TRHDE: variants seen among roughly 807,000 people sequenced by gnomAD.
TRHDE encodes thyrotropin releasing hormone degrading enzyme, also known as thyrotropin-releasing hormone-degrading ectoenzyme.
In TRHDE, 72 loss-of-function variants were observed where a neutral mutation model predicts 125.7. The ratio of observed to expected loss-of-function variants is 0.57; its 90% CI spans 0.47 to 0.70. The LOEUF (loss-of-function observed/expected upper bound fraction) is 0.70, where lower values mean the gene tolerates loss of function less well. Among genes scored for constraint, TRHDE ranks in the 30% least tolerant of loss-of-function variants. The probability of loss-of-function intolerance (pLI) is 0.00; values close to 1 mark genes in which losing one functional copy is unlikely to be tolerated. For synonymous variants in TRHDE, 509 were observed against 509.1 expected, an observed-to-expected ratio of 1.00 and a Z score of 0.00; for missense variants, 1,110 against 1,327.1, an observed-to-expected ratio of 0.84 and a Z score of 2.54.
intron 2 of TRHDE, among the ~76,000 whole-genome samples, chr12:72,130,443 A>G (rs1402585107): frequency 2.6e-5 from 4 of 152,342 alleles, no homozygotes; most frequent in African/African-American, 9.6e-5. Flanking sequence ...TATTGGGCCC[A>G]GCAAATAGGC....
chr12:72,432,896 C>A lies in TRHDE; in HGVS notation c.1316-36862C>A, dbSNP rs142543983. 2.5e-4 allele frequency among the ~76,000 whole-genome samples: 38 copies of A among 152,214 alleles called. No individual in the cohort carries two copies. The East Asian group carries it at 6.6e-3, about 26-fold the overall frequency. On this transcript the variant is annotated intron_variant, in intron 3 of 18. Coordinates refer to ENST00000261180, the MANE Select transcript of TRHDE (RefSeq NM_013381.3). ...GAAAAATCCTTATCTTGTTCTTGATCTTAGGGGAAAGCATTTCGTCTCTTA... is the reference window on the plus strand; with the variant it reads ...GAAAAATCCTTATCTTGTTCTTGATATTAGGGGAAAGCATTTCGTCTCTTA...
intron 18 of TRHDE, among the ~76,000 whole-genome samples, chr12:72,659,521 A>G (rs1160470441): frequency 1.3e-5 from 2 of 152,194 alleles, no homozygotes; most frequent in Non-Finnish European, 2.9e-5. Flanking sequence ...GTAATAGGGC[A>G]ATAGTTAATT....
At chr12:72,499,268 A>G (rs1878046600) in intron 5 of TRHDE, among the ~76,000 whole-genome samples, 1 of 152,112 alleles carries the variant, frequency 6.6e-6, no homozygotes, top group Non-Finnish European at 1.5e-5. Flanking sequence ...TTATCTATTT[A>G]GGGACCAATG....
chr12:72,599,054 G>A (rs1482673084), intron 12 of TRHDE, among the ~76,000 whole-genome samples: 1 of 151,992 alleles, frequency 6.6e-6, no homozygotes, highest in Non-Finnish European at 1.5e-5. Flanking sequence ...TGCTGGAAAG[G>A]ACATGACTTT....
At chr12:72,312,280 C>T (rs1362058914) in intron 2 of TRHDE, among the ~76,000 whole-genome samples, 1 of 152,120 alleles carries the variant, frequency 6.6e-6, no homozygotes, top group Non-Finnish European at 1.5e-5. Context: ...ATTTATCTAC[C>T]AGCTAAATGT....
At chr12:72,463,588 T>C (rs1051675790) in intron 3 of TRHDE, among the ~76,000 whole-genome samples, 5 of 152,156 alleles carry the variant, frequency 3.3e-5, no homozygotes, top group African/African-American at 1.2e-4. Context: ...GTGTGGAGTG[T>C]GAGCTTGATC....
chr12:72,441,912 TG>T (rs1261089717), intron 3 of TRHDE, among the ~76,000 whole-genome samples: 2 of 151,882 alleles, frequency 1.3e-5, no homozygotes, highest in Non-Finnish European at 2.9e-5. Flanking sequence ...CATTTTTCCT[TG>T]AGTAAACTTG....
intron 3 of TRHDE, among the ~76,000 whole-genome samples, chr12:72,403,569 C>T (rs1873136512): frequency 6.6e-6 from 1 of 152,070 alleles, no homozygotes; most frequent in African/African-American, 2.4e-5. Context: ...GGATTCAATC[C>T]CAAGTTAGAC....
In TRHDE at chr12:72,499,770, A is replaced by G. The variant is rs1878071503; in HGVS notation, c.1722+135A>G. 3 of 985,806 alleles carry G rather than the reference A, an allele frequency of 3.0e-6. No individual in the cohort carries two copies. In the South Asian group the frequency reaches 5.9e-5, roughly 20 times the overall value. 61.1% of individuals were successfully genotyped at this position (985,806 alleles called of 1,614,324 possible). ...CTGTGATTTAGAAAACAGAGTCACT[A>G]GGTTCGTGTCATTTTATGAGCTACA... On this transcript the variant is annotated intron_variant, in intron 6 of 18. Coordinates refer to ENST00000261180, the MANE Select transcript of TRHDE (RefSeq NM_013381.3).
At chr12:72,193,704 G>T (rs1877382273) in intron 2 of TRHDE, among the ~76,000 whole-genome samples, 1 of 152,024 alleles carries the variant, frequency 6.6e-6, no homozygotes, top group African/African-American at 2.4e-5. Flanking sequence ...AATAATTTTG[G>T]TGTTGAAACT....
intron 15 of TRHDE, among the ~76,000 whole-genome samples, chr12:72,624,105 A>G (rs1477912307): frequency 6.6e-6 from 1 of 152,124 alleles, no homozygotes; most frequent in East Asian, 1.9e-4. Context: ...GCGAGGACAC[A>G]TAATATCCAC....
At chr12:72,209,654 T>C (rs1217559767) in intron 2 of TRHDE, among the ~76,000 whole-genome samples, 1 of 152,240 alleles carries the variant, frequency 6.6e-6, no homozygotes, top group Non-Finnish European at 1.5e-5. Context: ...GTGTAAAGAT[T>C]CTTGCTACAT....
chr12:72,608,646 A>G (rs1486424383), intron 12 of TRHDE, among the ~76,000 whole-genome samples: 1 of 152,182 alleles, frequency 6.6e-6, no homozygotes, highest in Non-Finnish European at 1.5e-5. Flanking sequence ...AGTATTTACA[A>G]TGAGTTCACT....
intron 2 of TRHDE, among the ~76,000 whole-genome samples, chr12:72,227,050 C>A (rs1878142875): frequency 6.6e-6 from 1 of 151,944 alleles, no homozygotes; most frequent in Non-Finnish European, 1.5e-5. Context: ...TTGGGATAAC[C>A]AAAGCATTTC....
rs923867862 is a variant in TRHDE at position 72,534,182 on chromosome 12, C to G, written c.1723-8109C>G. Among the ~76,000 whole-genome samples the G allele has an allele frequency of 1.3e-4, 20 of 152,072 alleles. 1 individual carries two copies. The highest frequency in any genetic ancestry group is 1.5e-5 in the Non-Finnish European group (1 of 68,002). ...TATGCCAACGGTTAGTTTAAATAAT[C>G]TAGTTAAAGGAGATTAATGTAGTTA... On this transcript the variant is annotated intron_variant, in intron 6 of 18. Transcript: ENST00000261180.
At chr12:72,484,483 T>C (rs969996631) in intron 5 of TRHDE, among the ~76,000 whole-genome samples, 3 of 152,166 alleles carry the variant, frequency 2.0e-5, no homozygotes, top group Admixed American at 6.5e-5. Flanking sequence ...TAATGATATA[T>C]GCTTTATCAG....
intron 2 of TRHDE, among the ~76,000 whole-genome samples, chr12:72,352,753 C>A (rs993861857): frequency 8.6e-5 from 13 of 151,526 alleles, no homozygotes; most frequent in Non-Finnish European, 8.9e-5. Flanking sequence ...TGAGGGTTTT[C>A]TGTGTGGTTT....
chr12:72,301,144 G>A (rs1868256215), intron 2 of TRHDE, among the ~76,000 whole-genome samples: 1 of 152,016 alleles, frequency 6.6e-6, no homozygotes, highest in African/African-American at 2.4e-5. Flanking sequence ...TATTACCTGT[G>A]TCTCTCTGAT....
intron 3 of TRHDE, among the ~76,000 whole-genome samples, chr12:72,427,476 C>T (rs749264101): frequency 1.3e-5 from 2 of 152,050 alleles, no homozygotes; most frequent in Non-Finnish European, 2.9e-5. Context: ...CTAGAGGACT[C>T]ATTGGTTTTT....
Sources: allele counts gnomAD v4.1 joint callset (sites outside exome capture counted in the v4.1 genomes callset), GRCh38; gene constraint gnomAD v4.1.1; transcripts MANE v1.5; gene names NCBI Gene and HGNC (gene_info 2026-07-23, HGNC 2026-07-21).